ROR1: variants seen among roughly 807,000 people sequenced by gnomAD.
ROR1 encodes the protein ROR family WNT receptor 1.
Under a neutral mutation model 78.8 loss-of-function variants are expected in ROR1, and 19 were observed. The ratio of observed to expected loss-of-function variants is 0.24; its 90% confidence interval spans 0.17 to 0.35. The LOEUF (loss-of-function observed/expected upper bound fraction) is 0.35. ROR1 is among the 10% of genes least tolerant of loss of function. The pLI, the probability that ROR1 is intolerant of heterozygous loss-of-function variation, is 1.00. For synonymous variants in ROR1, 386 were observed against 433.6 expected (o/e 0.89, Z 1.36); for missense variants, 917 against 1,177.8 (o/e 0.78, Z 3.24).
chr1:63,843,364 C>T, intron 1 of ROR1: 1 of 841,294 alleles, frequency 1.2e-6, no homozygotes. Context: ...TTAAGGGGAG[C>T]AGACTCAGGG....
At chr1:64,054,749 T>C (rs1646860707) in intron 4 of ROR1, among the ~76,000 whole-genome samples, 1 of 152,240 alleles carries the variant, frequency 6.6e-6, no homozygotes, top group Non-Finnish European at 1.5e-5. Flanking sequence ...CTTGGGCTGC[T>C]GGAAAGTATC....
chr1:63,941,929 C>T (rs12088563), intron 1 of ROR1, among the ~76,000 whole-genome samples: 3,933 of 152,248 alleles, frequency 0.026, 173 homozygotes, highest in African/African-American at 0.09. Context: ...ACTTTACATG[C>T]GTTATCTCAT....
intron 1 of ROR1, among the ~76,000 whole-genome samples, chr1:63,973,818 C>T (rs1225174022): frequency 6.6e-6 from 1 of 152,186 alleles, no homozygotes; most frequent in Non-Finnish European, 1.5e-5. Flanking sequence ...ATAATGAACA[C>T]AGAACCCTAA....
intron 2 of ROR1, among the ~76,000 whole-genome samples, chr1:64,026,467 A>T (rs1216176638): frequency 6.6e-6 from 1 of 152,196 alleles, no homozygotes; most frequent in Non-Finnish European, 1.5e-5. Context: ...CTTTAGTTCT[A>T]TGCTTCTAAA....
At chr1:63,846,726 T>C (rs539641766) in intron 1 of ROR1, among the ~76,000 whole-genome samples, 11 of 152,198 alleles carry the variant, frequency 7.2e-5, no homozygotes, top group Non-Finnish European at 1.3e-4. Flanking sequence ...AGGCAATAGA[T>C]ACAGGAAGTG....
chr1:64,045,047 A>G (rs1214304117), intron 2 of ROR1, among the ~76,000 whole-genome samples: 1 of 152,252 alleles, frequency 6.6e-6, no homozygotes, highest in Non-Finnish European at 1.5e-5. Context: ...TCAAAGTACA[A>G]GATAAATCAA....
chr1:64,056,854 T>A (rs1405253710), intron 4 of ROR1, among the ~76,000 whole-genome samples: 1 of 152,238 alleles, frequency 6.6e-6, no homozygotes, highest in African/African-American at 2.4e-5. Context: ...ACCCATTTTT[T>A]AAATTGAATT....
intron 1 of ROR1, among the ~76,000 whole-genome samples, chr1:63,959,375 G>A (rs2100482674): frequency 6.6e-6 from 1 of 152,248 alleles, no homozygotes; most frequent in South Asian, 2.1e-4. Context: ...TGGGTAGACA[G>A]CTAGCAGTAA....
intron 7 of ROR1, among the ~76,000 whole-genome samples, chr1:64,151,041 C>T (rs923095871): frequency 2.6e-5 from 4 of 152,128 alleles, no homozygotes; most frequent in Non-Finnish European, 5.9e-5. Context: ...GGCTTTGTAA[C>T]AAACTGTTTT....
chr1:64,057,820 T>C (rs1308834522), intron 4 of ROR1, among the ~76,000 whole-genome samples: 1 of 152,226 alleles, frequency 6.6e-6, no homozygotes, highest in African/African-American at 2.4e-5. Flanking sequence ...GTTGTTATTC[T>C]GAGTGCTTTG....
intron 1 of ROR1, among the ~76,000 whole-genome samples, chr1:63,856,975 T>A (rs1341472033): frequency 6.6e-6 from 1 of 152,078 alleles, no homozygotes; most frequent in Non-Finnish European, 1.5e-5. Context: ...TTTTTTACCC[T>A]CTCTTTTCTC....
intron 1 of ROR1, among the ~76,000 whole-genome samples, chr1:63,871,452 C>A (rs535668872): frequency 6.6e-6 from 1 of 152,140 alleles, no homozygotes; most frequent in Non-Finnish European, 1.5e-5. Context: ...TATGAGAGAT[C>A]GTTCCCCTGT....
intron 4 of ROR1, among the ~76,000 whole-genome samples, chr1:64,067,704 T>G (rs889126084): frequency 6.9e-6 from 1 of 144,990 alleles, no homozygotes; most frequent in East Asian, 2.0e-4. Context: ...CCAAGTTAAA[T>G]AAATTCTTTT....
intron 4 of ROR1, among the ~76,000 whole-genome samples, chr1:64,082,710 G>A (rs1647113694): frequency 1.3e-5 from 2 of 152,236 alleles, no homozygotes; most frequent in African/African-American, 4.8e-5. Flanking sequence ...TAAGTAGGCA[G>A]TCCTTGCACG....
chr1:63,946,707 T>A (rs1645892452), intron 1 of ROR1, among the ~76,000 whole-genome samples: 1 of 152,200 alleles, frequency 6.6e-6, no homozygotes, highest in Non-Finnish European at 1.5e-5. Context: ...GTATTTAGAT[T>A]CTAAATCATG....
intron 1 of ROR1, among the ~76,000 whole-genome samples, chr1:63,945,573 T>C (rs1188908426): frequency 6.6e-6 from 1 of 152,178 alleles, no homozygotes; most frequent in Non-Finnish European, 1.5e-5. Flanking sequence ...ATCAGTCTAC[T>C]GTTGCCTGGA....
intron 1 of ROR1, among the ~76,000 whole-genome samples, chr1:63,886,280 T>C (rs1025016608): frequency 1.3e-5 from 2 of 152,188 alleles, no homozygotes; most frequent in Non-Finnish European, 2.9e-5. Flanking sequence ...TAACAGGCCA[T>C]GGACTAGTAC....
intron 1 of ROR1, among the ~76,000 whole-genome samples, chr1:63,979,855 T>C (rs536534160): frequency 2.0e-5 from 3 of 152,206 alleles, no homozygotes; most frequent in African/African-American, 4.8e-5. Context: ...AGGTAACAAA[T>C]AGAAAGATCT....
intron 1 of ROR1, among the ~76,000 whole-genome samples, chr1:63,978,095 G>A (rs1214957480): frequency 1.3e-5 from 2 of 152,122 alleles, no homozygotes; most frequent in Non-Finnish European, 2.9e-5. Flanking sequence ...TCCATGGCGG[G>A]TGCACACTAG....
Sources: gnomAD v4.1 joint callset for allele counts (sites outside exome capture counted in the v4.1 genomes callset) on GRCh38, gnomAD v4.1.1 for gene constraint, MANE v1.5 for transcripts, NCBI Gene and HGNC (gene_info 2026-07-23, HGNC 2026-07-21) for gene names.